TRMT9B: variants seen among roughly 807,000 people sequenced by gnomAD.
TRMT9B encodes tRNA methyltransferase 9B (putative).
A neutral mutation model predicts 11.5 loss-of-function variants in TRMT9B; 16 were observed. The ratio of observed to expected loss-of-function variants is 1.39; its 90% CI spans 0.94 to 2.11. TRMT9B has a LOEUF of 2.11. Ranked by LOEUF, TRMT9B falls within the 30% of genes most tolerant of loss-of-function variation. The pLI is 0.00. For missense variants in TRMT9B, 941 were observed against 553.8 expected, an observed-to-expected ratio of 1.70 and a Z score of -7.02; for synonymous variants, 274 against 192.4, an observed-to-expected ratio of 1.42 and a Z score of -3.51.
At position 13,006,233 on chromosome 8, in the gene TRMT9B, C is replaced by A; in HGVS notation, c.31C>A (p.Gln11Lys). 1 of 1,613,976 alleles carries A rather than the reference C, an allele frequency of 6.2e-7. No individual in the cohort carries two copies. The highest frequency in any genetic ancestry group is 2.2e-5 in the East Asian group (1 of 44,882). The change falls in exon 3 of 5, where the codon CAG becomes AAG. Residue 11 changes from glutamine to lysine, a missense_variant. Physicochemically the swap from Gln to Lys is moderately conservative, Grantham distance 53. Transcript: ENST00000524591. ...TCATGAAGCCGCCCAGCTGGAGAAG[C>A]AGCATGTGCACAATGTGTACGAGAG... MDHEAAQLEK[Q>K]HVHNVYESTA...
At chr8:13,017,822 C>T (rs1168108355) in intron 4 of TRMT9B, among the ~76,000 whole-genome samples, 1 of 151,436 alleles carries the variant, frequency 6.6e-6, no homozygotes, top group African/African-American at 2.4e-5. Context: ...TGGGGTTTCA[C>T]TATGTTGCCC....
intron 3 of TRMT9B, chr8:13,010,296 T>C: frequency 1.1e-6 from 1 of 939,380 alleles, no homozygotes; most frequent in Non-Finnish European, 1.3e-6. Flanking sequence ...CATATTTTCA[T>C]TGCAAAATGA....
chr8:13,023,712 T>C lies in TRMT9B; in HGVS notation c.*1668T>C, dbSNP rs933290712. ...AAAATCCAAATCTTGTTTTATTTTT[T>C]CCACTAAAAGTGACTAAAATAATAA... On this transcript the variant is annotated 3_prime_UTR_variant, in exon 5 of 5. Coordinates refer to ENST00000524591, the MANE Select transcript of TRMT9B (RefSeq NM_020844.3). 3.6e-5 allele frequency: 6 copies of C among 167,036 alleles called. No individual in the cohort carries two copies. The highest frequency in any genetic ancestry group is 7.2e-5 in the African/African-American group (3 of 41,460). 10.3% of individuals were successfully genotyped at this position (167,036 alleles called of 1,614,324 possible).
At chr8:13,020,558 A>C (rs1813638199) in intron 4 of TRMT9B, among the ~76,000 whole-genome samples, 1 of 152,216 alleles carries the variant, frequency 6.6e-6, no homozygotes, top group Non-Finnish European at 1.5e-5. Flanking sequence ...CTCAGCTATT[A>C]CTTTAGAAGT....
intron 1 of TRMT9B, among the ~76,000 whole-genome samples, chr8:12,966,018 GAA>G (rs537848050): frequency 3.1e-5 from 4 of 129,474 alleles, no homozygotes; most frequent in East Asian, 4.5e-4. Flanking sequence ...GTCTCAAAAA[GAA>G]AAAAAAAAAA....
chr8:12,977,584 C>G (rs1209113172), intron 1 of TRMT9B, among the ~76,000 whole-genome samples: 1 of 152,050 alleles, frequency 6.6e-6, no homozygotes, highest in Admixed American at 6.6e-5. Context: ...GCCTATAATC[C>G]CAGCTACTTG....
At position 12,974,757 on chromosome 8, in the gene TRMT9B, G is replaced by A. The variant is rs148448308; in HGVS notation, c.-199-16077G>A. On this transcript the variant is annotated intron_variant, in intron 1 of 4. Transcript: ENST00000524591. ...TCTTGCATGAAAAGGGACAGGAGGC[G>A]GGACAGCAGCAGGCAGGGTTTTGTT... is the stretch of plus-strand genomic sequence containing the variant. Among the ~76,000 whole-genome samples the A allele has an allele frequency of 1.8e-4, 28 of 152,274 alleles. No homozygotes were observed. The East Asian group carries it at 4.4e-3, about 24-fold the overall frequency.
Position 13,024,059 on chromosome 8 carries a change from T to TTTTTC in TRMT9B, c.*2017_*2018insTTCTT, listed in dbSNP as rs1814371215. ...TCTATTTCTTTTTTTTTTTTTTTTT[T>TTTTTC]TTGAGACAGAGTCTCGCTCTGTCGC... On this transcript the variant is annotated 3_prime_UTR_variant, in exon 5 of 5. Coordinates refer to ENST00000524591, the MANE Select transcript of TRMT9B (RefSeq NM_020844.3). The TTTTTC allele has an allele frequency of 6.5e-6, 1 of 154,956 alleles. No homozygotes were observed. Among genetic ancestry groups the TTTTTC allele is most frequent in the Non-Finnish European group, 1.5e-5 (1 of 67,126 alleles). The allele number at this position is 154,956 out of a possible 1,614,324, so 9.6% of individuals were successfully genotyped here.
At chr8:12,989,484 A>T (rs1806948649) in intron 1 of TRMT9B, among the ~76,000 whole-genome samples, 1 of 152,170 alleles carries the variant, frequency 6.6e-6, no homozygotes, top group African/African-American at 2.4e-5. Context: ...CCTCCTGCCC[A>T]GGTAGCACAC....
At chr8:12,971,355 G>A (rs1803591025) in intron 1 of TRMT9B, among the ~76,000 whole-genome samples, 1 of 152,072 alleles carries the variant, frequency 6.6e-6, no homozygotes, top group Non-Finnish European at 1.5e-5. Context: ...ACTTTGCCAG[G>A]GAACGGCGGG....
At chr8:12,961,292 T>G (rs961898704) in intron 1 of TRMT9B, among the ~76,000 whole-genome samples, 1 of 152,228 alleles carries the variant, frequency 6.6e-6, no homozygotes, top group Non-Finnish European at 1.5e-5. Context: ...ATATCAATAG[T>G]GGTTCATCAG....
intron 1 of TRMT9B, chr8:12,952,255 T>C (rs905878144): frequency 2.3e-6 from 1 of 432,102 alleles, no homozygotes; most frequent in Non-Finnish European, 4.7e-6. Flanking sequence ...AAGCTTCTGT[T>C]GCGCCCTAGA....
At chr8:13,009,936 G>A (rs1177092127) in intron 3 of TRMT9B, among the ~76,000 whole-genome samples, 1 of 151,976 alleles carries the variant, frequency 6.6e-6, no homozygotes, top group Non-Finnish European at 1.5e-5. Flanking sequence ...AGACCAGCCT[G>A]GAAAACATGG....
At position 13,022,044 on chromosome 8, in the gene TRMT9B, A is replaced by G. The variant is rs1442524109; in HGVS notation, c.1365A>G (p.Ter455TrpextTer24). The change falls in exon 5 of 5, where the codon TGA (stop) becomes TGG (tryptophan). Residue 455 changes from the stop codon to tryptophan, a stop_lost. Coordinates refer to ENST00000524591, the MANE Select transcript of TRMT9B (RefSeq NM_020844.3). ...CAGAGAAAAAGAGAGGTTGTGATTG[A>G]TTGGATCCTTTTAGACAACTCCTCC... ...IIAEKKRGCD[*>W] 1.9e-6 allele frequency: 3 copies of G among 1,565,416 alleles called. No homozygotes were observed. Among genetic ancestry groups the G allele is most frequent in the Non-Finnish European group, 2.6e-6 (3 of 1,157,742 alleles).
Position 13,027,762 on chromosome 8 carries a change from T to C in TRMT9B, c.*5718T>C, listed in dbSNP as rs947358397. 1.2e-5 allele frequency: 2 copies of C among 166,726 alleles called. No homozygotes were observed. The highest frequency in any genetic ancestry group is 2.4e-5 in the African/African-American group (1 of 41,288). The allele number at this position is 166,726 out of a possible 1,614,324, so 10.3% of individuals were successfully genotyped here. A position where few individuals can be genotyped will look rare whatever the true frequency, so the allele number is the denominator to read the frequency against. On this transcript the variant is annotated 3_prime_UTR_variant, in exon 5 of 5. Coordinates refer to ENST00000524591, the MANE Select transcript of TRMT9B (RefSeq NM_020844.3). ...GAGGCATATGAGGTAAGCGTTATTA[T>C]ACACCCGTCCAGCAGATGGGAAAAC...
rs1305971196 is a variant in TRMT9B, at chr8:13,022,873, C to G, written c.*829C>G. 2 of 166,306 alleles carry G rather than the reference C, an allele frequency of 1.2e-5. No homozygotes were observed. Among genetic ancestry groups the G allele is most frequent in the Admixed American group, 1.3e-4 (2 of 15,268 alleles). The allele number at this position is 166,306 out of a possible 1,614,324, so 10.3% of individuals were successfully genotyped here. A position where few individuals can be genotyped will look rare whatever the true frequency, so the allele number is the denominator to read the frequency against. Reference sequence around the variant, plus strand: ...TGGTGCATGCCTGTCATCCAAGCTACTCAAGAGACTGAGGCAGGAGGATCA... The same window carrying G: ...TGGTGCATGCCTGTCATCCAAGCTAGTCAAGAGACTGAGGCAGGAGGATCA... On this transcript the variant is annotated 3_prime_UTR_variant, in exon 5 of 5. Transcript: ENST00000524591.
intron 1 of TRMT9B, among the ~76,000 whole-genome samples, chr8:12,985,180 C>G (rs1216601808): frequency 6.6e-6 from 1 of 152,152 alleles, no homozygotes; most frequent in Non-Finnish European, 1.5e-5. Context: ...ACGTTGTTCA[C>G]TTTCTTTCAT....
intron 4 of TRMT9B, among the ~76,000 whole-genome samples, chr8:13,018,452 C>A (rs2947354): frequency 0.063 from 9,545 of 150,756 alleles, 373 homozygotes; most frequent in African/African-American, 0.1. Flanking sequence ...CAATCAAATT[C>A]TGAATGTTGA....
intron 4 of TRMT9B, among the ~76,000 whole-genome samples, chr8:13,017,751 C>T (rs1813001687): frequency 1.3e-5 from 2 of 150,984 alleles, no homozygotes; most frequent in African/African-American, 4.9e-5. Context: ...GTAACTTGGA[C>T]CATAGACACA....
Sources: gnomAD v4.1 joint callset for allele counts (sites outside exome capture counted in the v4.1 genomes callset) on GRCh38, gnomAD v4.1.1 for gene constraint, MANE v1.5 for transcripts, NCBI Gene and HGNC (gene_info 2026-07-23, HGNC 2026-07-21) for gene names.